PRKD1: variants seen among roughly 807,000 people sequenced by gnomAD.
The protein encoded by PRKD1 is protein kinase D1, also known as serine/threonine-protein kinase D1.
In PRKD1, 63 loss-of-function variants were observed where a neutral mutation model predicts 95.9. The observed-to-expected ratio is 0.66, with a 90% confidence interval of 0.54 to 0.81. PRKD1 has a LOEUF of 0.81. Among genes scored for constraint, PRKD1 ranks in the 30% least tolerant of loss-of-function variants. The pLI, the probability that PRKD1 is intolerant of heterozygous loss-of-function variation, is 0.00. For missense variants in PRKD1, 1,048 were observed against 1,165.3 expected (o/e 0.90, Z 1.47); for synonymous variants, 425 against 423.1 (o/e 1.00, Z -0.05).
At chr14:29,858,826 A>G (rs1310002113) in intron 1 of PRKD1, among the ~76,000 whole-genome samples, 1 of 151,900 alleles carries the variant, frequency 6.6e-6, no homozygotes, top group Non-Finnish European at 1.5e-5. Flanking sequence ...AGGAAAAACA[A>G]AAACAAAAAA....
At chr14:29,776,808 TC>T (rs1888781950) in intron 1 of PRKD1, among the ~76,000 whole-genome samples, 1 of 151,630 alleles carries the variant, frequency 6.6e-6, no homozygotes, top group Non-Finnish European at 1.5e-5. Context: ...ACAAAGACAA[TC>T]CTCGAGAAGA....
At chr14:29,713,061 T>A (rs1461371630) in intron 2 of PRKD1, among the ~76,000 whole-genome samples, 2 of 152,148 alleles carry the variant, frequency 1.3e-5, no homozygotes, top group Non-Finnish European at 2.9e-5. Flanking sequence ...CTTGAGGGTA[T>A]GAAGTATTCT....
intron 1 of PRKD1, among the ~76,000 whole-genome samples, chr14:29,863,832 C>A (rs1235337589): frequency 1.3e-5 from 2 of 151,920 alleles, no homozygotes; most frequent in African/African-American, 2.4e-5. Flanking sequence ...TTTTCCCCAA[C>A]AAAAATCAGT....
chr14:29,809,312 A>G (rs966004396), intron 1 of PRKD1, among the ~76,000 whole-genome samples: 3 of 152,234 alleles, frequency 2.0e-5, no homozygotes, highest in African/African-American at 7.2e-5. Context: ...CACTGGCTTC[A>G]ACTTAAAGTT....
chr14:29,797,971 T>A (rs1195211399), intron 1 of PRKD1, among the ~76,000 whole-genome samples: 1 of 152,182 alleles, frequency 6.6e-6, no homozygotes, highest in East Asian at 1.9e-4. Flanking sequence ...CAGCTACAAC[T>A]GTAATTACAG....
intron 1 of PRKD1, among the ~76,000 whole-genome samples, chr14:29,760,472 C>G (rs920192864): frequency 2.6e-5 from 4 of 151,572 alleles, no homozygotes; most frequent in Non-Finnish European, 5.9e-5. Context: ...TCTCCCGCCT[C>G]AGCCTCCCAT....
intron 2 of PRKD1, among the ~76,000 whole-genome samples, chr14:29,705,530 G>GT (rs1885042566): frequency 6.6e-6 from 1 of 151,684 alleles, no homozygotes; most frequent in Non-Finnish European, 1.5e-5. Flanking sequence ...TAGCTCAGTG[G>GT]TTTTAAAAAT....
At chr14:29,913,452 C>CA in intron 1 of PRKD1, among the ~76,000 whole-genome samples, 1 of 152,232 alleles carries the variant, frequency 6.6e-6, no homozygotes, top group South Asian at 2.1e-4. Context: ...AGCATATGGT[C>CA]AGCCTATTTA....
intron 1 of PRKD1, among the ~76,000 whole-genome samples, chr14:29,831,641 G>C (rs1891417928): frequency 6.6e-6 from 1 of 151,834 alleles, no homozygotes; most frequent in Non-Finnish European, 1.5e-5. Flanking sequence ...GCTAATTTTT[G>C]TATTTTTAGT....
At chr14:29,777,742 G>C (rs943658388) in intron 1 of PRKD1, among the ~76,000 whole-genome samples, 16 of 152,140 alleles carry the variant, frequency 1.1e-4, no homozygotes, top group Admixed American at 7.9e-4. Context: ...CAACGAGACA[G>C]AAAGTTACCA....
intron 16 of PRKD1, among the ~76,000 whole-genome samples, chr14:29,582,402 C>T (rs1179891873): frequency 6.6e-6 from 1 of 151,050 alleles, no homozygotes. Flanking sequence ...TCCATTCTTT[C>T]CCCCTTTTAG....
At chr14:29,777,391 G>A (rs1034235918) in intron 1 of PRKD1, among the ~76,000 whole-genome samples, 1 of 152,130 alleles carries the variant, frequency 6.6e-6, no homozygotes, top group South Asian at 2.1e-4. Flanking sequence ...GCTGTATTCA[G>A]GAAACCCATC....
chr14:29,636,656 T>C (rs73255506), intron 6 of PRKD1, among the ~76,000 whole-genome samples, 162 bp from the exon 7 acceptor site: 4,187 of 152,184 alleles, frequency 0.028, 172 homozygotes, highest in African/African-American at 0.09. Context: ...AGTTTAGGAG[T>C]ATATGTGCAG....
At chr14:29,803,668 A>T (rs1165240705) in intron 1 of PRKD1, among the ~76,000 whole-genome samples, 1 of 152,214 alleles carries the variant, frequency 6.6e-6, no homozygotes, top group African/African-American at 2.4e-5. Context: ...GTGAAAGGTG[A>T]GGGATGTGGA....
At position 29,622,367 on chromosome 14, in the gene PRKD1, C is replaced by CCTT. The variant is rs1555329006; in HGVS notation, c.1905+1784_1905+1785insAAG. 7.9e-3 allele frequency among the ~76,000 whole-genome samples: 1,148 copies of CCTT among 144,942 alleles called. 28 individuals are homozygous for CCTT. The highest frequency in any genetic ancestry group is 0.028 in the African/African-American group (1,069 of 38,656). ...GTTTATACTTCAGGTGTATTTTTCT[C>CCTT]CCTTCCTTCCTTCCTTCCTTCTTTC... On this transcript the variant is annotated intron_variant, in intron 13 of 17. Coordinates refer to ENST00000331968, the MANE Select transcript of PRKD1 (RefSeq NM_002742.3).
chr14:29,674,566 G>A (rs1566530673), intron 2 of PRKD1, among the ~76,000 whole-genome samples: 2 of 152,202 alleles, frequency 1.3e-5, no homozygotes, highest in Non-Finnish European at 2.9e-5. Flanking sequence ...AAGTAAAAAT[G>A]TCATGGAGTC....
chr14:29,898,443 G>A (rs757818173), intron 1 of PRKD1, among the ~76,000 whole-genome samples: 15 of 152,162 alleles, frequency 9.9e-5, no homozygotes, highest in Non-Finnish European at 1.8e-4. Flanking sequence ...CAACAGGTCC[G>A]TAAGTGCCTG....
chr14:29,687,282 G>T (rs1010725838), intron 2 of PRKD1, among the ~76,000 whole-genome samples: 2 of 152,160 alleles, frequency 1.3e-5, no homozygotes. Context: ...AAGTGCTTGC[G>T]GTAATTCTAC....
chr14:29,876,458 A>C (rs1893293691), intron 1 of PRKD1, among the ~76,000 whole-genome samples: 1 of 152,182 alleles, frequency 6.6e-6, no homozygotes, highest in Non-Finnish European at 1.5e-5. Flanking sequence ...AAGTGTTAAA[A>C]TCCACATAGC....
Sources: allele counts gnomAD v4.1 joint callset (sites outside exome capture counted in the v4.1 genomes callset), GRCh38; gene constraint gnomAD v4.1.1; transcripts MANE v1.5; gene names NCBI Gene and HGNC (gene_info 2026-07-23, HGNC 2026-07-21).